The following NRL variants were observed in gnomAD, a reference collection of about 807,000 sequenced individuals.
NRL encodes the protein neural retina-specific leucine zipper protein.
A neutral mutation model predicts 12.5 loss-of-function variants in NRL; 16 were observed. That is an observed-to-expected ratio of 1.28 (90% CI 0.87 to 1.95). The LOEUF is 1.95. Ranked by LOEUF, NRL falls within the 30% of genes most tolerant of loss-of-function variation. The pLI is 0.00. For synonymous variants in NRL, 142 were observed against 150.9 expected (o/e 0.94, Z 0.43); for missense variants, 314 against 325.8 (o/e 0.96, Z 0.28).
chr14:24,114,731 A>G lies in NRL; in HGVS notation c.-37T>C. 1 of 985,938 alleles carries G rather than the reference A, an allele frequency of 1.0e-6. No homozygotes were observed. The allele number at this position is 985,938 out of a possible 1,614,324, so 61.1% of individuals were successfully genotyped here. The stretch of plus-strand genomic sequence containing the variant: ...GCATTCTCCCGCCTACCTATCAATC[A>G]TCGTGCTCCGCTGTCCAGTTGGCTG... On this transcript the variant is annotated 5_prime_UTR_variant, in exon 1 of 3. It removes an upstream start codon present in the reference 5' UTR. Transcript: ENST00000561028.
chr14:24,100,089 G>C, intron 1 of NRL: 1 of 1,612,708 alleles, frequency 6.2e-7, no homozygotes, highest in Non-Finnish European at 8.5e-7. Flanking sequence ...CTACAATCCA[G>C]AGTAACACTA....
Position 24,103,522 on chromosome 14 carries a change from T to C in NRL, c.-28+11200A>G, listed in dbSNP as rs769479322. On this transcript the variant is annotated intron_variant, in intron 1 of 2. Transcript: ENST00000561028. The stretch of plus-strand genomic sequence containing the variant: ...GCTTCCCCCCCAGGGAAGATCATCA[T>C]GCACGACCCATTTGCCATGCGGCCC... 8.4e-6 allele frequency: 13 copies of C among 1,553,832 alleles called. No individual in the cohort carries two copies. In the South Asian group the frequency reaches 1.1e-4, roughly 13 times the overall value.
intron 1 of NRL, chr14:24,100,553 C>A: frequency 1.9e-6 from 2 of 1,057,008 alleles, no homozygotes; most frequent in Non-Finnish European, 2.4e-6. Flanking sequence ...AGTAAATTCT[C>A]AATAATAAAT....
intron 1 of NRL, among the ~76,000 whole-genome samples, chr14:24,087,386 G>C (rs1386607713): frequency 2.0e-5 from 3 of 152,164 alleles, no homozygotes; most frequent in African/African-American, 7.2e-5. Context: ...AAGGTAGCAA[G>C]ATATGGATGG....
intron 1 of NRL, chr14:24,084,516 T>C (rs2036417027): frequency 1.0e-6 from 1 of 984,950 alleles, no homozygotes; most frequent in Non-Finnish European, 1.2e-6. Flanking sequence ...CTGGATATAC[T>C]CACTTCAGAA....
chr14:24,090,027 G>T (rs1159057617), intron 1 of NRL, among the ~76,000 whole-genome samples: 1 of 152,096 alleles, frequency 6.6e-6, no homozygotes, highest in Non-Finnish European at 1.5e-5. Context: ...CACATTAAGG[G>T]TTTGGGCTTT....
intron 1 of NRL, among the ~76,000 whole-genome samples, chr14:24,093,718 A>G (rs1410202204): frequency 6.6e-6 from 1 of 152,148 alleles, no homozygotes; most frequent in African/African-American, 2.4e-5. Context: ...GAGAATGACC[A>G]GATCAGAGGA....
rs1454556220 is a variant in NRL at position 24,085,602 on chromosome 14, TACCTTCTGAGGCC to T, written c.-27-2740_-27-2728del. ...GTCTATGGAGTTAAAGGCCACTTCC[TACCTTCTGAGGCC>T]ACCCAAATACTCCCATGGGGTTAAT... On this transcript the variant is annotated intron_variant, in intron 1 of 2. Coordinates refer to ENST00000561028, the MANE Select transcript of NRL (RefSeq NM_001354768.3). This position sits in a 1 kb window ranked among gnomAD's most constrained non-coding sequence, Gnocchi z 4.1. Among the ~76,000 whole-genome samples, 12 of 152,236 alleles carry T rather than the reference TACCTTCTGAGGCC, an allele frequency of 7.9e-5. No homozygotes were observed. Among genetic ancestry groups the T allele is most frequent in the African/African-American group, 2.9e-4 (12 of 41,472 alleles).
At position 24,081,826 on chromosome 14, in the gene NRL, C is replaced by A. The variant is rs1467023050; in HGVS notation, c.382-258G>T. ...AGGGCCGGCCACGGTCAGGCGAGCC[C>A]GTCGCGCACCTAAACCCCGGGCTCG... On this transcript the variant is annotated intron_variant, in intron 2 of 2. Coordinates refer to ENST00000561028, the MANE Select transcript of NRL (RefSeq NM_001354768.3). The surrounding 1 kb of genome is among the most constrained non-coding windows in gnomAD (Gnocchi z 4.4). The A allele has an allele frequency of 2.1e-6, 3 of 1,437,118 alleles. No individual in the cohort carries two copies. The allele number at this position is 1,437,118 out of a possible 1,614,324, so 89.0% of individuals were successfully genotyped here.
chr14:24,101,342 G>A (rs2037153490), intron 1 of NRL, among the ~76,000 whole-genome samples: 1 of 152,206 alleles, frequency 6.6e-6, no homozygotes, highest in Non-Finnish European at 1.5e-5. Context: ...TGGCGGATGG[G>A]AGAGGGTGGG....
At position 24,084,747 on chromosome 14, in the gene NRL, T is replaced by C. The variant is rs1196393187; in HGVS notation, c.-27-1872A>G. Reference sequence around the variant, plus strand: ...AGATCATTTGCATATCTTATTGGCCTGGGGTTGGGGGAAATGGAGAGAGAG... The same window carrying C: ...AGATCATTTGCATATCTTATTGGCCCGGGGTTGGGGGAAATGGAGAGAGAG... On this transcript the variant is annotated intron_variant, in intron 1 of 2. Coordinates refer to ENST00000561028, the MANE Select transcript of NRL (RefSeq NM_001354768.3). The C allele has an allele frequency of 3.1e-6, 3 of 979,490 alleles. No individual in the cohort carries two copies. The East Asian group carries it at 3.4e-4, about 111-fold the overall frequency. 60.7% of individuals were successfully genotyped at this position (979,490 alleles called of 1,614,324 possible).
Position 24,094,226 on chromosome 14 carries a change from C to T in NRL, c.-27-11351G>A, listed in dbSNP as rs957737731. Reference sequence around the variant, plus strand: ...CGAGGGAGCTGGCCTGCCAGCGGGGCGGAGGAAAGCTAGTGCCAGCCCTAC... The same window carrying T: ...CGAGGGAGCTGGCCTGCCAGCGGGGTGGAGGAAAGCTAGTGCCAGCCCTAC... On this transcript the variant is annotated intron_variant, in intron 1 of 2. Coordinates refer to ENST00000561028, the MANE Select transcript of NRL (RefSeq NM_001354768.3). The surrounding 1 kb of genome is among the most constrained non-coding windows in gnomAD (Gnocchi z 4.1). The T allele has an allele frequency of 5.0e-6, 3 of 597,774 alleles. No individual in the cohort carries two copies. Among genetic ancestry groups the T allele is most frequent in the African/African-American group, 4.0e-5 (2 of 50,510 alleles). The allele number at this position is 597,774 out of a possible 1,614,324, so 37.0% of individuals were successfully genotyped here.
chr14:24,092,274 G>C (rs2036653960), intron 1 of NRL, among the ~76,000 whole-genome samples: 1 of 152,228 alleles, frequency 6.6e-6, no homozygotes, highest in South Asian at 2.1e-4. Context: ...CCAGGTGAGA[G>C]ATAAGCCCTG....
chr14:24,092,168 T>C (rs2036650254), intron 1 of NRL, among the ~76,000 whole-genome samples: 1 of 152,160 alleles, frequency 6.6e-6, no homozygotes, highest in African/African-American at 2.4e-5. Flanking sequence ...CCAAGTGGAT[T>C]TGCATGCACA....
chr14:24,099,672 G>T (rs760720880), intron 1 of NRL: 1 of 1,614,190 alleles, frequency 6.2e-7, no homozygotes, highest in South Asian at 1.1e-5. Flanking sequence ...AGGCTGGAAA[G>T]TGGAGTGTGT....
Position 24,082,822 on chromosome 14 carries a change from G to A in NRL, c.27C>T (p.Ala9=), listed in dbSNP as rs747291305. The change falls in exon 2 of 3, where the codon GCC becomes GCT. Residue 9 remains alanine (A), a synonymous_variant. Coordinates refer to ENST00000561028, the MANE Select transcript of NRL (RefSeq NM_001354768.3). MALPPSPL[A]MEYVNDFDLM... ...AGTCAAAGTCATTGACATATTCCAT[G>A]GCCAGGGGGCTGGGGGGCAGGGCCA... 1.2e-5 allele frequency: 20 copies of A among 1,613,694 alleles called. No homozygotes were observed. The highest frequency in any genetic ancestry group is 1.7e-5 in the Non-Finnish European group (20 of 1,179,704).
At position 24,097,061 on chromosome 14, in the gene NRL, G is replaced by A. The variant is rs2036917254; in HGVS notation, c.-27-14186C>T. 1.9e-6 allele frequency: 3 copies of A among 1,613,456 alleles called. No homozygotes were observed. The African/African-American group carries it at 4.0e-5, about 22-fold the overall frequency. Reference sequence around the variant, plus strand: ...GGGCATCCACATCTGTGATGGAACTGAGGCTGAGAATACTGCCACACTGAC... The same window carrying A: ...GGGCATCCACATCTGTGATGGAACTAAGGCTGAGAATACTGCCACACTGAC... On this transcript the variant is annotated intron_variant, in intron 1 of 2. Transcript: ENST00000561028.
At position 24,098,722 on chromosome 14, in the gene NRL, G is replaced by T. The variant is rs758130044; in HGVS notation, c.-27-15847C>A. On this transcript the variant is annotated intron_variant, in intron 1 of 2. Transcript: ENST00000561028. ...CCAAGGGGAACACAGAGGCCTTCTT[G>T]TACTCAGAGGAAATCCCAAATCCTA... 15 of 1,532,654 alleles carry T rather than the reference G, an allele frequency of 9.8e-6. No individual in the cohort carries two copies. The East Asian group carries it at 2.9e-4, about 30-fold the overall frequency. 94.9% of individuals were successfully genotyped at this position (1,532,654 alleles called of 1,614,324 possible).
intron 1 of NRL, chr14:24,104,061 T>C (rs1369352737): frequency 1.0e-5 from 8 of 781,072 alleles, no homozygotes; most frequent in Non-Finnish European, 1.7e-5. Flanking sequence ...TTAACTAACA[T>C]CTTCAATGTG....
Sources: gnomAD v4.1 joint callset for allele counts (sites outside exome capture counted in the v4.1 genomes callset) on GRCh38, gnomAD v4.1.1 for gene constraint, Gnocchi (gnomAD v3.1) non-coding constraint, MANE v1.5 for transcripts, NCBI Gene and HGNC (gene_info 2026-07-23, HGNC 2026-07-21) for gene names.